Variants in CSRNP3 observed in about 807,000 individuals in gnomAD.
CSRNP3 encodes the protein cysteine/serine-rich nuclear protein 3.
In CSRNP3, 12 loss-of-function variants were observed where a neutral mutation model predicts 48.0. The observed-to-expected ratio is 0.25, with a 90% CI of 0.16 to 0.41. The LOEUF (loss-of-function observed/expected upper bound fraction) is 0.41. Ranked by LOEUF, CSRNP3 falls within the 10% of genes least tolerant of loss-of-function variation. The probability of loss-of-function intolerance (pLI) is 1.00; values close to 1 mark genes in which losing one functional copy is unlikely to be tolerated. For synonymous variants in CSRNP3, 263 were observed against 269.7 expected, an observed-to-expected ratio of 0.98 and a Z score of 0.24; for missense variants, 580 against 724.4, an observed-to-expected ratio of 0.80 and a Z score of 2.29.
intron 1 of CSRNP3, among the ~76,000 whole-genome samples, chr2:165,483,813 T>C (rs1280809921): frequency 6.6e-6 from 1 of 152,134 alleles, no homozygotes; most frequent in Non-Finnish European, 1.5e-5. Flanking sequence ...TAATCCGCCT[T>C]CATGACTTAC....
At chr2:165,574,818 T>C (rs1558938345) in intron 3 of CSRNP3, among the ~76,000 whole-genome samples, 1 of 152,268 alleles carries the variant, frequency 6.6e-6, no homozygotes, top group East Asian at 1.9e-4. Flanking sequence ...ATTATTGTGA[T>C]GTATCTGGTA....
intron 3 of CSRNP3, among the ~76,000 whole-genome samples, chr2:165,569,149 T>C (rs1051832772): frequency 5.9e-5 from 9 of 152,092 alleles, no homozygotes; most frequent in Non-Finnish European, 1.3e-4. Flanking sequence ...GTTTGTTAAA[T>C]TGAATTGAAT....
At chr2:165,587,013 T>C (rs1041193826) in intron 3 of CSRNP3, among the ~76,000 whole-genome samples, 11 of 152,234 alleles carry the variant, frequency 7.2e-5, no homozygotes. Context: ...ACAATTGTAC[T>C]TATAATCACA....
At chr2:165,597,961 G>A (rs111343226) in intron 4 of CSRNP3, among the ~76,000 whole-genome samples, 17 of 152,238 alleles carry the variant, frequency 1.1e-4, no homozygotes, top group African/African-American at 4.1e-4. Context: ...AGTACAGATT[G>A]TAGGCACACA....
At position 165,509,809 on chromosome 2, in the gene CSRNP3, C is replaced by CT. The variant is rs201828521; in HGVS notation, c.-112-8057dup. Among the ~76,000 whole-genome samples, 1,119 of 152,108 alleles carry CT rather than the reference C, an allele frequency of 7.4e-3. 7 individuals are homozygous for CT. The highest frequency in any genetic ancestry group is 0.026 in the African/African-American group (1,080 of 41,476). ...CTTTCACATTTTACCCATGAATATT[C>CT]TTTTTTTGATACAGGATCCAATCAA... On this transcript the variant is annotated intron_variant, in intron 2 of 6. Transcript: ENST00000651982.
At chr2:165,617,727 A>G (rs763860411) in intron 4 of CSRNP3, among the ~76,000 whole-genome samples, 1 of 152,200 alleles carries the variant, frequency 6.6e-6, no homozygotes, top group Admixed American at 6.5e-5. Flanking sequence ...GGTCATAGCA[A>G]TGGTAGTCCC....
chr2:165,515,112 G>A (rs1333622543), intron 2 of CSRNP3, among the ~76,000 whole-genome samples: 3 of 151,690 alleles, frequency 2.0e-5, no homozygotes, highest in Non-Finnish European at 2.9e-5. Flanking sequence ...GAGGTCAGGA[G>A]TTTGAGACCA....
chr2:165,618,594 T>A (rs2105316375), intron 4 of CSRNP3, among the ~76,000 whole-genome samples: 1 of 152,306 alleles, frequency 6.6e-6, no homozygotes, highest in Admixed American at 6.5e-5. Context: ...AATTGAACAT[T>A]TACACATATT....
intron 1 of CSRNP3, among the ~76,000 whole-genome samples, chr2:165,486,069 C>T (rs1041270312): frequency 2.6e-5 from 4 of 152,020 alleles, no homozygotes; most frequent in African/African-American, 4.8e-5. Context: ...AGACAGTGGG[C>T]GCAGGCCAGT....
chr2:165,633,736 C>T (rs1686576885), intron 4 of CSRNP3, among the ~76,000 whole-genome samples: 1 of 152,196 alleles, frequency 6.6e-6, no homozygotes, highest in Admixed American at 6.5e-5. Flanking sequence ...ATGCCTGGCA[C>T]ATAGTAGTTG....
chr2:165,490,155 C>T (rs1684183234), intron 1 of CSRNP3, among the ~76,000 whole-genome samples: 1 of 148,398 alleles, frequency 6.7e-6, no homozygotes, highest in Admixed American at 6.7e-5. Context: ...ACACCAACAA[C>T]AGACAAACAG....
intron 3 of CSRNP3, among the ~76,000 whole-genome samples, chr2:165,556,578 CAA>C (rs1685163752): frequency 1.3e-5 from 2 of 151,942 alleles, no homozygotes; most frequent in African/African-American, 4.8e-5. Flanking sequence ...AACCAAGAAT[CAA>C]AAGTCAGAGA....
chr2:165,615,546 A>C (rs539069626), intron 4 of CSRNP3, among the ~76,000 whole-genome samples: 1 of 151,430 alleles, frequency 6.6e-6, no homozygotes, highest in Non-Finnish European at 1.5e-5. Flanking sequence ...CCATCTAAAA[A>C]AAAAAAAAGA....
chr2:165,535,225 A>G (rs1684865805), intron 3 of CSRNP3, among the ~76,000 whole-genome samples: 1 of 151,806 alleles, frequency 6.6e-6, no homozygotes, highest in African/African-American at 2.4e-5. Flanking sequence ...TTAGATACAT[A>G]TTTTTTGTAA....
chr2:165,501,964 A>G (rs1386446250), intron 2 of CSRNP3, among the ~76,000 whole-genome samples: 2 of 152,146 alleles, frequency 1.3e-5, no homozygotes, highest in Non-Finnish European at 2.9e-5. Flanking sequence ...ATCAGAATTC[A>G]GCGTTCTCAT....
At chr2:165,509,627 G>C (rs932608685) in intron 2 of CSRNP3, among the ~76,000 whole-genome samples, 5 of 152,236 alleles carry the variant, frequency 3.3e-5, no homozygotes, top group Admixed American at 3.3e-4. Context: ...AATAATGTTA[G>C]AGTTTTGAAA....
chr2:165,532,294 G>C (rs1362505075), intron 3 of CSRNP3, among the ~76,000 whole-genome samples: 1 of 152,030 alleles, frequency 6.6e-6, no homozygotes, highest in African/African-American at 2.4e-5. Flanking sequence ...GATGAACATC[G>C]ATGCAAAAAT....
At chr2:165,643,969 T>C (rs1376985227) in intron 4 of CSRNP3, among the ~76,000 whole-genome samples, 1 of 152,186 alleles carries the variant, frequency 6.6e-6, no homozygotes, top group African/African-American at 2.4e-5. Flanking sequence ...CCATCACTAA[T>C]TGACTGCTAA....
intron 4 of CSRNP3, among the ~76,000 whole-genome samples, chr2:165,638,104 A>G (rs1686661969): frequency 3.9e-5 from 6 of 152,240 alleles, no homozygotes; most frequent in Admixed American, 1.3e-4. Context: ...GAAGTCAGGC[A>G]TTTAGGTGTT....
Sources: gnomAD v4.1 joint callset for allele counts (sites outside exome capture counted in the v4.1 genomes callset) on GRCh38, gnomAD v4.1.1 for gene constraint, MANE v1.5 for transcripts, NCBI Gene and HGNC (gene_info 2026-07-23, HGNC 2026-07-21) for gene names.